COL12A1: variants seen among roughly 807,000 people sequenced by gnomAD.
COL12A1 encodes the protein collagen type XII alpha 1 chain, also known as collagen alpha-1(XII) chain.
A neutral mutation model predicts 349.7 loss-of-function variants in COL12A1; 114 were observed. The ratio of observed to expected loss-of-function variants is 0.33; its 90% CI spans 0.28 to 0.38. The LOEUF (loss-of-function observed/expected upper bound fraction) is 0.38, where lower values mean the gene tolerates loss of function less well. Among genes scored for constraint, COL12A1 ranks in the 10% least tolerant of loss-of-function variants. The pLI is 1.00. For missense variants in COL12A1, 3,284 were observed against 3,756.9 expected (o/e 0.87, Z 3.29); for synonymous variants, 1,369 against 1,329.0 (o/e 1.03, Z -0.66).
chr6:75,179,444 C>G (rs1035589629), intron 11 of COL12A1, among the ~76,000 whole-genome samples: 8 of 151,928 alleles, frequency 5.3e-5, no homozygotes, highest in Admixed American at 4.6e-4. Flanking sequence ...CTGAGTACAG[C>G]CTTCTCCCTT....
At chr6:75,112,327 T>A (rs922912091) in intron 51 of COL12A1, among the ~76,000 whole-genome samples, 8 of 151,890 alleles carry the variant, frequency 5.3e-5, no homozygotes, top group Middle Eastern at 3.2e-3. Flanking sequence ...CGTTTACCCA[T>A]GTAACAAACC....
chr6:75,190,349 T>C (rs563416686), intron 5 of COL12A1, among the ~76,000 whole-genome samples: 72 of 152,024 alleles, frequency 4.7e-4, no homozygotes, highest in Non-Finnish European at 2.2e-4. Flanking sequence ...AATATAATTG[T>C]CTAAAGTTTG....
chr6:75,144,375 A>G (rs996990777), intron 25 of COL12A1, among the ~76,000 whole-genome samples: 2 of 152,192 alleles, frequency 1.3e-5, no homozygotes, highest in Admixed American at 6.5e-5. Flanking sequence ...TTTGTTGTCA[A>G]TTAATTTACA....
chr6:75,156,412 G>A lies in COL12A1; in HGVS notation c.3095C>T (p.Pro1032Leu). ...AACCATTTGCTTCCCTCTCCCATGAGGGCGATAGACAACACGGTAGTTGAC... is the reference window on the plus strand; with the variant it reads ...AACCATTTGCTTCCCTCTCCCATGAAGGCGATAGACAACACGGTAGTTGAC... ...KVVNYRVVYR[P>L]HGRGKQMVAK... Residue 1032 changes from proline (P) to leucine (L), a missense_variant, in exon 15 of 66, where the codon CCT becomes CTT. This residue lies in a region of COL12A1 where 2,601 missense variants were observed against 2,824.8 expected (regional missense o/e 0.92). Coordinates refer to ENST00000322507, the MANE Select transcript of COL12A1 (RefSeq NM_004370.6). The A allele has an allele frequency of 6.2e-7, 1 of 1,613,996 alleles. No individual in the cohort carries two copies. The highest frequency in any genetic ancestry group is 8.5e-7 in the Non-Finnish European group (1 of 1,179,934).
rs536618952 is a variant in COL12A1 at position 75,137,278 on chromosome 6, C to T, written c.5394+159G>A. ...ATTGAGTCTCCATGATGGCAATCCA[C>T]GTGGAGTGCCAGCTAAAGAGTCAGA... On this transcript the variant is annotated intron_variant, in intron 31 of 65. Transcript: ENST00000322507. Among the ~76,000 whole-genome samples, 400 of 152,188 alleles carry T rather than the reference C, an allele frequency of 2.6e-3. 1 individual carries two copies. The highest frequency in any genetic ancestry group is 3.0e-3 in the Non-Finnish European group (203 of 68,008).
intron 58 of COL12A1, 92 bp downstream of exon 58, chr6:75,101,508 C>G: frequency 8.0e-7 from 1 of 1,249,002 alleles, no homozygotes; most frequent in Non-Finnish European, 1.1e-6. Flanking sequence ...ATATTACCAG[C>G]CTTGCAAACT....
At chr6:75,092,556 C>A (rs1210456321) in intron 60 of COL12A1, among the ~76,000 whole-genome samples, 2 of 142,152 alleles carry the variant, frequency 1.4e-5, no homozygotes, top group Admixed American at 1.4e-4. Flanking sequence ...CTGCTATCAC[C>A]GAAGGAACAT....
intron 31 of COL12A1, 57 bp downstream of exon 31, chr6:75,137,380 G>C: frequency 1.4e-6 from 2 of 1,464,486 alleles, no homozygotes; most frequent in Non-Finnish European, 9.2e-7. Flanking sequence ...GGGGGAAAAA[G>C]AGTTTGAAGA....
intron 13 of COL12A1, 152 bp from the exon 14 acceptor site, chr6:75,165,931 T>C (rs772389317): frequency 8.4e-6 from 6 of 710,402 alleles, no homozygotes; most frequent in Non-Finnish European, 1.2e-5. Flanking sequence ...TTGTCCATCC[T>C]ATTCTGTCTG....
At chr6:75,117,726 TCTGG>T in intron 46 of COL12A1, 180 bp from the exon 47 acceptor site, 1 of 567,414 alleles carries the variant, frequency 1.8e-6, no homozygotes, top group Admixed American at 3.2e-5. Context: ...CTTTCTATTT[TCTGG>T]TCTAAAGAAT....
chr6:75,103,905 C>T, intron 54 of COL12A1, 95 bp from the exon 55 acceptor site: 2 of 855,760 alleles, frequency 2.3e-6, no homozygotes, highest in Admixed American at 2.6e-5. Context: ...AATTTCCAGA[C>T]AATTATTATT....
chr6:75,121,848 C>T (rs922754673), intron 43 of COL12A1, among the ~76,000 whole-genome samples: 25 of 148,520 alleles, frequency 1.7e-4, no homozygotes, highest in Non-Finnish European at 3.3e-4. Flanking sequence ...TGACTTTATG[C>T]AAATAAGTCC....
At chr6:75,192,827 T>C (rs779771184) in intron 3 of COL12A1, among the ~76,000 whole-genome samples, 1 of 152,104 alleles carries the variant, frequency 6.6e-6, no homozygotes, top group East Asian at 1.9e-4. Flanking sequence ...GGAAAAAATC[T>C]GTGTGGAAGC....
chr6:75,150,994 C>G (rs1767450419), intron 21 of COL12A1, 147 bp downstream of exon 21: 1 of 509,338 alleles, frequency 2.0e-6, no homozygotes, highest in African/African-American at 2.0e-5. Flanking sequence ...TTAGGGGATG[C>G]TACTGACATC....
intron 51 of COL12A1, chr6:75,112,906 A>C: frequency 6.1e-6 from 1 of 164,746 alleles, no homozygotes; most frequent in Non-Finnish European, 1.3e-5. Flanking sequence ...TAAATAACAT[A>C]AAGATTCATA....
intron 60 of COL12A1, among the ~76,000 whole-genome samples, chr6:75,092,690 A>G (rs1168516483): frequency 6.6e-6 from 1 of 152,148 alleles, no homozygotes; most frequent in Non-Finnish European, 1.5e-5. Context: ...ATTTTGCTAC[A>G]TTATAGTCTA....
chr6:75,130,604 C>G (rs1472403816), intron 36 of COL12A1, among the ~76,000 whole-genome samples: 1 of 152,076 alleles, frequency 6.6e-6, no homozygotes, highest in Non-Finnish European at 1.5e-5. Context: ...AGATACAGAG[C>G]AGAAGAGGGG....
chr6:75,178,511 A>G (rs906931096), intron 11 of COL12A1, among the ~76,000 whole-genome samples: 1 of 152,228 alleles, frequency 6.6e-6, no homozygotes, highest in African/African-American at 2.4e-5. Context: ...TTAGATCTAC[A>G]TCTTGAAGCT....
chr6:75,181,670 G>T (rs140051032), intron 10 of COL12A1, among the ~76,000 whole-genome samples: 1,972 of 152,080 alleles, frequency 0.013, 39 homozygotes, highest in African/African-American at 0.045. Context: ...AACAAAATAT[G>T]TATTAAACTT....
Sources: gnomAD v4.1 joint callset for allele counts (sites outside exome capture counted in the v4.1 genomes callset) on GRCh38, gnomAD v4.1.1 for gene constraint, gnomAD v4.1.1 regional missense constraint, MANE v1.5 for transcripts, NCBI Gene and HGNC (gene_info 2026-07-23, HGNC 2026-07-21) for gene names.